Variants in CACNA2D3 observed in about 807,000 individuals in gnomAD.
The protein encoded by CACNA2D3 is calcium voltage-gated channel auxiliary subunit alpha2delta 3.
In CACNA2D3, 60 loss-of-function variants were observed where a neutral mutation model predicts 160.6. The ratio of observed to expected loss-of-function variants is 0.37; its 90% CI spans 0.30 to 0.46. The LOEUF (loss-of-function observed/expected upper bound fraction) is 0.46. Ranked by LOEUF, CACNA2D3 falls within the 20% of genes least tolerant of loss-of-function variation. The pLI is 1.00. For missense variants in CACNA2D3, 1,205 were observed against 1,365.0 expected, an observed-to-expected ratio of 0.88 and a Z score of 1.85; for synonymous variants, 558 against 492.9, an observed-to-expected ratio of 1.13 and a Z score of -1.75.
chr3:54,404,303 G>A (rs2359789), intron 4 of CACNA2D3, among the ~76,000 whole-genome samples: 33,360 of 152,016 alleles, frequency 0.22, 3,744 homozygotes, highest in Admixed American at 0.3. Flanking sequence ...CATCATGATC[G>A]AGAGAGATGT....
chr3:54,576,108 C>T (rs1214606391), intron 8 of CACNA2D3, among the ~76,000 whole-genome samples: 1 of 152,136 alleles, frequency 6.6e-6, no homozygotes. Context: ...TTGAGATGCG[C>T]CCCGAAGCCG....
intron 11 of CACNA2D3, among the ~76,000 whole-genome samples, chr3:54,663,431 A>G (rs920263578): frequency 8.5e-5 from 13 of 152,150 alleles, no homozygotes; most frequent in Non-Finnish European, 1.8e-4. Flanking sequence ...TATGTATGTG[A>G]TGACTTGGCC....
rs137889427 is a variant in CACNA2D3 at position 54,572,538 on chromosome 3, G to A, written c.888+2434G>A. On this transcript the variant is annotated intron_variant, in intron 8 of 37. Transcript: ENST00000474759. ...ACACAGCCAGAAAAGGTGGCACGGT[G>A]AAGGCTCAGACATTGTCCGGCTTCA... 2.0e-5 allele frequency among the ~76,000 whole-genome samples: 3 copies of A among 152,340 alleles called. No individual in the cohort carries two copies. The East Asian group carries it at 5.8e-4, about 29-fold the overall frequency.
At chr3:55,052,258 C>A (rs1456825975) in intron 35 of CACNA2D3, among the ~76,000 whole-genome samples, 1 of 152,116 alleles carries the variant, frequency 6.6e-6, no homozygotes, top group African/African-American at 2.4e-5. Flanking sequence ...TTTTCTGTTA[C>A]TGATTTGGAG....
At chr3:54,978,454 T>C (rs1575418703) in intron 29 of CACNA2D3, among the ~76,000 whole-genome samples, 1 of 152,186 alleles carries the variant, frequency 6.6e-6, no homozygotes, top group South Asian at 2.1e-4. Flanking sequence ...TCAGAAAGCA[T>C]TGGTATGGCA....
chr3:54,953,879 T>A (rs1313092536), intron 27 of CACNA2D3, among the ~76,000 whole-genome samples: 1 of 152,042 alleles, frequency 6.6e-6, no homozygotes, highest in Non-Finnish European at 1.5e-5. Flanking sequence ...GGACTTGGAG[T>A]CTGAGTAGCC....
At chr3:54,417,800 G>GT (rs1401964034) in intron 4 of CACNA2D3, among the ~76,000 whole-genome samples, 6 of 142,694 alleles carry the variant, frequency 4.2e-5, no homozygotes, top group South Asian at 2.3e-4. Flanking sequence ...GTGTGTGGGG[G>GT]GGGGGGTGGG....
intron 25 of CACNA2D3, among the ~76,000 whole-genome samples, chr3:54,893,497 C>A (rs1218210463): frequency 6.6e-6 from 1 of 152,106 alleles, no homozygotes; most frequent in East Asian, 1.9e-4. Context: ...TATCCCCTCC[C>A]ATCAAATGGT....
chr3:54,406,456 C>T (rs1699578762), intron 4 of CACNA2D3, among the ~76,000 whole-genome samples: 1 of 151,950 alleles, frequency 6.6e-6, no homozygotes, highest in Non-Finnish European at 1.5e-5. Context: ...CACATATATA[C>T]AATGGAATAT....
chr3:55,016,927 T>A (rs905292223), intron 34 of CACNA2D3, among the ~76,000 whole-genome samples: 7 of 152,214 alleles, frequency 4.6e-5, no homozygotes, highest in Non-Finnish European at 7.3e-5. Context: ...TGGTTGTTAC[T>A]CAGCAGTTGT....
At chr3:54,262,002 G>A (rs1308764530) in intron 2 of CACNA2D3, among the ~76,000 whole-genome samples, 1 of 152,130 alleles carries the variant, frequency 6.6e-6, no homozygotes, top group Non-Finnish European at 1.5e-5. Context: ...GTCTCCTGGG[G>A]GCTGTGAATG....
At chr3:54,418,169 C>A (rs1220734312) in intron 4 of CACNA2D3, among the ~76,000 whole-genome samples, 1 of 152,184 alleles carries the variant, frequency 6.6e-6, no homozygotes, top group Non-Finnish European at 1.5e-5. Flanking sequence ...GCCTGTTTTA[C>A]TCTAGACGTT....
intron 2 of CACNA2D3, among the ~76,000 whole-genome samples, chr3:54,287,767 G>C (rs1345325301): frequency 4.0e-5 from 6 of 148,788 alleles, no homozygotes; most frequent in African/African-American, 1.5e-4. Context: ...TCAGGATTAA[G>C]AATCTCACTA....
intron 12 of CACNA2D3, among the ~76,000 whole-genome samples, chr3:54,761,896 G>T (rs374810520): frequency 6.6e-6 from 1 of 152,142 alleles, no homozygotes; most frequent in African/African-American, 2.4e-5. Context: ...GGTGGGTCCC[G>T]ACCCTTTCTG....
chr3:54,807,533 A>G (rs905182906), intron 13 of CACNA2D3, among the ~76,000 whole-genome samples: 65 of 152,270 alleles, frequency 4.3e-4, no homozygotes, highest in African/African-American at 6.0e-4. Context: ...TAGAATGGCA[A>G]TCATTTAAAA....
At chr3:54,987,812 A>G in intron 31 of CACNA2D3, 59 bp downstream of exon 31, 1 of 1,308,052 alleles carries the variant, frequency 7.6e-7, no homozygotes, top group Non-Finnish European at 1.1e-6. Context: ...AAAATAAAAC[A>G]AGCCAAGGTC....
chr3:54,441,041 A>G (rs1269809135), intron 4 of CACNA2D3, among the ~76,000 whole-genome samples: 1 of 152,060 alleles, frequency 6.6e-6, no homozygotes, highest in African/African-American at 2.4e-5. Context: ...TTCTAGTTCT[A>G]GATCCCTGAG....
intron 4 of CACNA2D3, among the ~76,000 whole-genome samples, chr3:54,393,427 G>A (rs939205770): frequency 1.3e-5 from 2 of 152,178 alleles, no homozygotes; most frequent in African/African-American, 4.8e-5. Flanking sequence ...CTCTGGTGCA[G>A]TTAGCCACAG....
intron 27 of CACNA2D3, among the ~76,000 whole-genome samples, chr3:54,926,708 T>C (rs1271203184): frequency 6.6e-6 from 1 of 152,224 alleles, no homozygotes; most frequent in Non-Finnish European, 1.5e-5. Context: ...TATTCCATGG[T>C]GAGAGCATGC....
Sources: allele counts gnomAD v4.1 joint callset (sites outside exome capture counted in the v4.1 genomes callset), GRCh38; gene constraint gnomAD v4.1.1; transcripts MANE v1.5; gene names NCBI Gene and HGNC (gene_info 2026-07-23, HGNC 2026-07-21).